Variants in COLGALT2 observed in about 807,000 individuals in gnomAD.
COLGALT2 encodes procollagen galactosyltransferase 2.
COLGALT2 carries 49 observed loss-of-function variants against 73.4 expected under a neutral mutation model. The observed-to-expected ratio is 0.67, with a 90% CI of 0.53 to 0.85. The LOEUF is 0.85. Ranked by LOEUF, COLGALT2 falls within the 40% of genes least tolerant of loss-of-function variation. The probability of loss-of-function intolerance (pLI) is 0.00; values close to 1 mark genes in which losing one functional copy is unlikely to be tolerated. For synonymous variants in COLGALT2, 295 were observed against 307.6 expected, an observed-to-expected ratio of 0.96 and a Z score of 0.43; for missense variants, 722 against 790.2, an observed-to-expected ratio of 0.91 and a Z score of 1.03.
At chr1:184,032,346 T>G (rs1411493933) in intron 1 of COLGALT2, among the ~76,000 whole-genome samples, 1 of 152,210 alleles carries the variant, frequency 6.6e-6, no homozygotes, top group Non-Finnish European at 1.5e-5. Context: ...AAATAGCAAC[T>G]ATCATTGTTA....
At chr1:183,945,588 G>A (rs751213500) in intron 8 of COLGALT2, 24 bp from the exon 9 acceptor site, 2 of 1,612,618 alleles carry the variant, frequency 1.2e-6, no homozygotes, top group Admixed American at 3.3e-5. Context: ...AACACGTCTG[G>A]AGATTAACAA....
At position 183,938,112 on chromosome 1, in the gene COLGALT2, A is replaced by G. The variant is rs1670007432; in HGVS notation, c.*649T>C. 1.0e-6 allele frequency: 1 copy of G among 985,978 alleles called. No homozygotes were observed. Among genetic ancestry groups the G allele is most frequent in the East Asian group, 1.1e-4 (1 of 8,834 alleles). 61.1% of individuals were successfully genotyped at this position (985,978 alleles called of 1,614,324 possible). ...CACATGGCAAACTGGTCACCTCTAT[A>G]TGAGAACTCCAACTGCCATGATGGT... On this transcript the variant is annotated 3_prime_UTR_variant, in exon 12 of 12. Coordinates refer to ENST00000361927, the MANE Select transcript of COLGALT2 (RefSeq NM_015101.4).
At chr1:183,945,082 C>T (rs765223192) in intron 9 of COLGALT2, among the ~76,000 whole-genome samples, 6 of 152,174 alleles carry the variant, frequency 3.9e-5, no homozygotes, top group Non-Finnish European at 7.3e-5. Flanking sequence ...CTTCCCAACC[C>T]ACCTCACATG....
chr1:184,034,411 G>C (rs559919343), intron 1 of COLGALT2, among the ~76,000 whole-genome samples: 1 of 151,454 alleles, frequency 6.6e-6, no homozygotes, highest in East Asian at 2.0e-4. Context: ...TCATCAAGAA[G>C]ACATCCATAT....
chr1:183,944,873 A>G (rs1163811739), intron 9 of COLGALT2, among the ~76,000 whole-genome samples: 1 of 152,232 alleles, frequency 6.6e-6, no homozygotes, highest in Non-Finnish European at 1.5e-5. Context: ...GGATCATTAA[A>G]AGAGAAAGTG....
rs937607306 is a variant in COLGALT2 at position 183,971,500 on chromosome 1, T to C, written c.628-2027A>G. 5.9e-5 allele frequency among the ~76,000 whole-genome samples: 9 copies of C among 152,322 alleles called. No homozygotes were observed. The East Asian group carries it at 1.7e-3, about 29-fold the overall frequency. ...CTTGTTGCTGATGTCAAAGCACAAC[T>C]CATTAAAAACAACCCTCAAGTGATT... On this transcript the variant is annotated intron_variant, in intron 4 of 11. Coordinates refer to ENST00000361927, the MANE Select transcript of COLGALT2 (RefSeq NM_015101.4).
At chr1:183,994,158 C>A (rs1671708817) in intron 1 of COLGALT2, among the ~76,000 whole-genome samples, 1 of 149,782 alleles carries the variant, frequency 6.7e-6, no homozygotes, top group African/African-American at 2.5e-5. Flanking sequence ...CCTGCCTCAG[C>A]CTCCCAAGTA....
intron 3 of COLGALT2, among the ~76,000 whole-genome samples, chr1:183,974,335 T>G (rs1671133208): frequency 6.6e-6 from 1 of 152,214 alleles, no homozygotes. Context: ...AAAGAAATAA[T>G]CATACTGAAC....
At chr1:183,950,347 T>C (rs770467156) in intron 8 of COLGALT2, among the ~76,000 whole-genome samples, 1 of 151,996 alleles carries the variant, frequency 6.6e-6, no homozygotes, top group Admixed American at 6.6e-5. Context: ...TTAGTTGGAG[T>C]TATGCAAATA....
At chr1:183,973,254 T>G (rs1223303767) in intron 4 of COLGALT2, among the ~76,000 whole-genome samples, 5 of 152,224 alleles carry the variant, frequency 3.3e-5, no homozygotes, top group Non-Finnish European at 7.3e-5. Context: ...TCTGTCTTGT[T>G]GGTTTTCTTT....
chr1:183,984,210 GC>G (rs1425785390), intron 1 of COLGALT2, among the ~76,000 whole-genome samples: 5 of 152,214 alleles, frequency 3.3e-5, no homozygotes, highest in Non-Finnish European at 7.3e-5. Context: ...TTCAAGGCCA[GC>G]CCAGCCAACA....
Position 184,037,418 on chromosome 1 carries a change from A to G in COLGALT2, c.-61T>C. On this transcript the variant is annotated 5_prime_UTR_variant, in exon 1 of 12. Transcript: ENST00000361927. ...CGCGAGCGCCCGGCTGGGCTGCCTGAGGGCGGCGGCGGCTGCCGGGGAGCA... is the reference window on the plus strand; with the variant it reads ...CGCGAGCGCCCGGCTGGGCTGCCTGGGGGCGGCGGCGGCTGCCGGGGAGCA... 1 of 1,274,110 alleles carries G rather than the reference A, an allele frequency of 7.8e-7. No individual in the cohort carries two copies. The highest frequency in any genetic ancestry group is 9.9e-7 in the Non-Finnish European group (1 of 1,014,020). 78.9% of individuals were successfully genotyped at this position (1,274,110 alleles called of 1,614,324 possible).
At position 183,999,580 on chromosome 1, in the gene COLGALT2, G is replaced by T. The variant is rs143336354; in HGVS notation, c.264-21060C>A. Among the ~76,000 whole-genome samples, 1,214 of 151,882 alleles carry T rather than the reference G, an allele frequency of 8.0e-3. 8 individuals carry two copies. The highest frequency in any genetic ancestry group is 0.012 in the Non-Finnish European group (808 of 67,860). Reference sequence around the variant, plus strand: ...TATATAAAGCCTATAAAATCTTCTGGGCCTAATGGTTTCTTTGGGGGAAGA... The same window carrying T: ...TATATAAAGCCTATAAAATCTTCTGTGCCTAATGGTTTCTTTGGGGGAAGA... On this transcript the variant is annotated intron_variant, in intron 1 of 11. Coordinates refer to ENST00000361927, the MANE Select transcript of COLGALT2 (RefSeq NM_015101.4).
At chr1:184,028,064 A>C (rs894714376) in intron 1 of COLGALT2, among the ~76,000 whole-genome samples, 6 of 152,176 alleles carry the variant, frequency 3.9e-5, no homozygotes, top group East Asian at 1.9e-4. Context: ...ACTTTCCACT[A>C]TCTTGGCGGG....
intron 6 of COLGALT2, among the ~76,000 whole-genome samples, chr1:183,961,450 G>C (rs1206759557): frequency 1.3e-5 from 2 of 152,128 alleles, no homozygotes; most frequent in East Asian, 3.9e-4. Context: ...CTTGGGAGTC[G>C]AGACCGAGAG....
chr1:184,011,551 G>A (rs920268626), intron 1 of COLGALT2, among the ~76,000 whole-genome samples: 10 of 152,182 alleles, frequency 6.6e-5, no homozygotes, highest in African/African-American at 2.4e-4. Context: ...GATTTAAGGA[G>A]CCAGACAGTA....
At chr1:184,022,433 T>C (rs1649206103) in intron 1 of COLGALT2, among the ~76,000 whole-genome samples, 1 of 152,024 alleles carries the variant, frequency 6.6e-6, no homozygotes, top group South Asian at 2.1e-4. Flanking sequence ...AGAAAATAAT[T>C]AGAAGGGAGA....
At chr1:184,022,803 T>C (rs902637864) in intron 1 of COLGALT2, among the ~76,000 whole-genome samples, 1 of 152,260 alleles carries the variant, frequency 6.6e-6, no homozygotes, top group Non-Finnish European at 1.5e-5. Flanking sequence ...TCACATTGAC[T>C]ATGATATCAA....
intron 4 of COLGALT2, among the ~76,000 whole-genome samples, chr1:183,972,947 C>T (rs757012886): frequency 2.0e-5 from 3 of 152,196 alleles, no homozygotes; most frequent in Non-Finnish European, 4.4e-5. Flanking sequence ...AATCCGCCCG[C>T]CTTGGCCTCC....
Sources: allele counts gnomAD v4.1 joint callset (sites outside exome capture counted in the v4.1 genomes callset), GRCh38; gene constraint gnomAD v4.1.1; transcripts MANE v1.5; gene names NCBI Gene and HGNC (gene_info 2026-07-23, HGNC 2026-07-21).